AMMECR1: variants seen among roughly 807,000 people sequenced by gnomAD.
AMMECR1 encodes the protein AMMECR nuclear protein 1.
AMMECR1 carries 3 observed loss-of-function variants against 22.5 expected under a neutral mutation model. The ratio of observed to expected loss-of-function variants is 0.13; its 90% CI spans 0.06 to 0.35. The LOEUF (loss-of-function observed/expected upper bound fraction) is 0.35. Among genes scored for constraint, AMMECR1 ranks in the 10% least tolerant of loss-of-function variants. The pLI, the probability that AMMECR1 is intolerant of heterozygous loss-of-function variation, is 1.00. For missense variants in AMMECR1, 235 were observed against 278.7 expected, an observed-to-expected ratio of 0.84 and a Z score of 1.12; for synonymous variants, 130 against 116.7, an observed-to-expected ratio of 1.11 and a Z score of -0.74.
At chrX:110,373,802 A>G (rs769242572) in intron 2 of AMMECR1, among the ~76,000 whole-genome samples, 1 of 111,988 alleles carries the variant, frequency 8.9e-6, no homozygotes, top group Admixed American at 9.5e-5. Flanking sequence ...ACACCAAATA[A>G]ATAGGCCAGA....
chrX:110,305,882 T>C (rs908025841), intron 1 of AMMECR1, among the ~76,000 whole-genome samples: 2 of 103,176 alleles, frequency 1.9e-5, no homozygotes, highest in African/African-American at 7.2e-5. Flanking sequence ...ACTCGGGAGG[T>C]TGAGACAGGA....
rs758775285 is a variant in AMMECR1 at position 110,341,015 on chromosome X, T to C, written c.-147-23166A>G. On this transcript the variant is annotated intron_variant, in intron 2 of 7. Transcript: ENST00000372057. ...TGCTGAAATATTCCAAAGATGCTAC[T>C]ATTAATACCAACTTCAAAAATGATG... Among the ~76,000 whole-genome samples the C allele has an allele frequency of 1.2e-4, 13 of 112,701 alleles. No homozygotes were observed. In the South Asian group the frequency reaches 4.7e-3, roughly 41 times the overall value.
chrX:110,384,562 A>G (rs1276061658), intron 2 of AMMECR1, among the ~76,000 whole-genome samples: 1 of 111,476 alleles, frequency 9.0e-6, no homozygotes, highest in Non-Finnish European at 1.9e-5. Flanking sequence ...GAATGAATGA[A>G]CCCAGCCATT....
chrX:110,388,561 A>G (rs1426729624), intron 2 of AMMECR1, among the ~76,000 whole-genome samples: 1 of 111,856 alleles, frequency 8.9e-6, no homozygotes, highest in East Asian at 2.8e-4. Flanking sequence ...ATAATAGCAG[A>G]TATAGGAAAA....
At chrX:110,340,015 C>CACAT (rs1414429067) in intron 2 of AMMECR1, among the ~76,000 whole-genome samples, 1 of 108,105 alleles carries the variant, frequency 9.3e-6, no homozygotes, top group African/African-American at 3.4e-5. Flanking sequence ...CACACACACA[C>CACAT]ACACAACATA....
At chrX:110,255,773 A>G (rs1035469518) in intron 2 of AMMECR1, among the ~76,000 whole-genome samples, 25 of 112,273 alleles carry the variant, frequency 2.2e-4, no homozygotes, top group Admixed American at 1.5e-3. Context: ...AATGGAGACA[A>G]TAACATGCTA....
intron 2 of AMMECR1, among the ~76,000 whole-genome samples, chrX:110,426,350 A>T (rs762632302): frequency 8.9e-6 from 1 of 111,930 alleles, no homozygotes; most frequent in South Asian, 3.8e-4. Context: ...CTAATGGACA[A>T]TTATCCCATC....
At chrX:110,292,953 C>T (rs781707126) in intron 1 of AMMECR1, among the ~76,000 whole-genome samples, 21 of 111,677 alleles carry the variant, frequency 1.9e-4, no homozygotes, top group Non-Finnish European at 3.6e-4. Context: ...AAGGAGTATA[C>T]GGTATATCTC....
rs771067016 is a variant in AMMECR1, at chrX:110,285,820, C to A, written c.474-21221G>T. 3.6e-5 allele frequency among the ~76,000 whole-genome samples: 4 copies of A among 110,969 alleles called. No homozygotes were observed. The Admixed American group carries it at 3.8e-4, about 11-fold the overall frequency. ...GAACAGTTTTCAACCCCCAAGAGCA[C>A]CCTGGGAAAAAAGAAAGTGTCCCAT... On this transcript the variant is annotated intron_variant, in intron 1 of 5. Transcript: ENST00000262844.
intron 2 of AMMECR1, among the ~76,000 whole-genome samples, chrX:110,360,339 A>G (rs1235388742): frequency 1.8e-5 from 2 of 111,954 alleles, no homozygotes; most frequent in Non-Finnish European, 3.8e-5. Flanking sequence ...GACCTACAGA[A>G]TAGGTAGGCA....
At chrX:110,416,395 G>A (rs2068677901) in intron 2 of AMMECR1, among the ~76,000 whole-genome samples, 1 of 112,175 alleles carries the variant, frequency 8.9e-6, no homozygotes, top group Non-Finnish European at 1.9e-5. Context: ...CTTTAAAAAT[G>A]TTAGATTATT....
At chrX:110,235,924 C>G (rs915646875) in intron 2 of AMMECR1, among the ~76,000 whole-genome samples, 10 of 110,156 alleles carry the variant, frequency 9.1e-5, no homozygotes, top group Non-Finnish European at 1.7e-4. Context: ...ATCAAACCTG[C>G]ACGTTGTGCA....
Position 110,287,399 on chromosome X carries a change from T to C in AMMECR1, c.474-22800A>G, listed in dbSNP as rs1048638216. ...CCAATCCTGGAAAACACAGACCACCTTGTTGTAGTTGTAGGGAGGACATCT... is the reference window on the plus strand; with the variant it reads ...CCAATCCTGGAAAACACAGACCACCCTGTTGTAGTTGTAGGGAGGACATCT... On this transcript the variant is annotated intron_variant, in intron 1 of 5. Transcript: ENST00000262844. Among the ~76,000 whole-genome samples the C allele has an allele frequency of 7.1e-5, 8 of 112,015 alleles. No homozygotes were observed. In the Admixed American group the frequency reaches 7.5e-4, roughly 10 times the overall value.
intron 2 of AMMECR1, among the ~76,000 whole-genome samples, chrX:110,368,031 A>G (rs1197510025): frequency 9.7e-6 from 1 of 103,150 alleles, no homozygotes; most frequent in African/African-American, 3.5e-5. Flanking sequence ...GTAGAAACAG[A>G]TGTCTTGCTT....
At chrX:110,262,616 A>C (rs868637967) in intron 2 of AMMECR1, among the ~76,000 whole-genome samples, 6 of 112,417 alleles carry the variant, frequency 5.3e-5, no homozygotes, top group Middle Eastern at 4.2e-3. Flanking sequence ...CCCCTTGCCA[A>C]CATTGGCAAA....
At chrX:110,372,493 T>G (rs1171717136) in intron 2 of AMMECR1, among the ~76,000 whole-genome samples, 1 of 111,531 alleles carries the variant, frequency 9.0e-6, no homozygotes, top group African/African-American at 3.3e-5. Flanking sequence ...ATTTCTCTGC[T>G]CCTTGCTTTT....
chrX:110,201,149 A>C, intron 4 of AMMECR1, 99 bp from the exon 5 acceptor site: 4 of 463,434 alleles, frequency 8.6e-6, no homozygotes, highest in Non-Finnish European at 1.4e-5. Flanking sequence ...TATCACTGTC[A>C]CCAAATGCCA....
At chrX:110,276,902 T>C (rs1179656707) in intron 1 of AMMECR1, among the ~76,000 whole-genome samples, 2 of 110,927 alleles carry the variant, frequency 1.8e-5, no homozygotes, top group Admixed American at 1.9e-4. Context: ...GTCTCACCAA[T>C]TCAGCAAGAT....
intron 1 of AMMECR1, among the ~76,000 whole-genome samples, chrX:110,438,400 G>T (rs2068854861): frequency 9.0e-6 from 1 of 111,689 alleles, no homozygotes; most frequent in African/African-American, 3.3e-5. Context: ...GCCAAGACAG[G>T]ACTTGGATTA....
Sources: allele counts gnomAD v4.1 joint callset (sites outside exome capture counted in the v4.1 genomes callset), GRCh38; gene constraint gnomAD v4.1.1; transcripts MANE v1.5; gene names NCBI Gene and HGNC (gene_info 2026-07-23, HGNC 2026-07-21).